The following KIF26B variants were observed in gnomAD, a reference collection of about 807,000 sequenced individuals.
KIF26B encodes the protein kinesin family member 26B.
KIF26B carries 63 observed loss-of-function variants against 151.2 expected under a neutral mutation model. The observed-to-expected ratio is 0.42, with a 90% CI of 0.34 to 0.51. The LOEUF is 0.51. KIF26B is among the 20% of genes least tolerant of loss of function. The probability of loss-of-function intolerance (pLI) is 0.07; values close to 1 mark genes in which losing one functional copy is unlikely to be tolerated. For synonymous variants in KIF26B, 1,357 were observed against 1,262.1 expected (o/e 1.08, Z -1.59); for missense variants, 2,813 against 2,913.6 (o/e 0.97, Z 0.79).
Position 245,687,769 on chromosome 1 carries a change from C to T in KIF26B, c.4786C>T (p.Pro1596Ser). The change falls in exon 12 of 15, where the codon CCC (proline) becomes TCC (serine). Residue 1596 changes from proline (P) to serine (S), a missense_variant. By Grantham distance (74) the Pro-to-Ser change is moderately conservative. Transcript: ENST00000407071. The surrounding 1 kb of genome is among the most constrained non-coding windows in gnomAD (Gnocchi z 4.9). ...HCVLARPKGT[P>S]PLPPVRKSSL... ...TGTTCTGGCTCGGCCCAAAGGGACT[C>T]CCCCTCTGCCCCCTGTCCGAAAGTC... 1.3e-6 allele frequency: 2 copies of T among 1,580,464 alleles called. 1 individual carries two copies. The highest frequency in any genetic ancestry group is 2.3e-5 in the South Asian group (2 of 85,892).
intron 2 of KIF26B, among the ~76,000 whole-genome samples, chr1:245,271,884 T>C (rs1301224876): frequency 2.0e-5 from 3 of 152,208 alleles, no homozygotes; most frequent in African/African-American, 7.2e-5. Context: ...AGTTTGGAAG[T>C]GTTCCCTTCT....
At chr1:245,534,555 G>T (rs1313415854) in intron 4 of KIF26B, among the ~76,000 whole-genome samples, 1 of 152,112 alleles carries the variant, frequency 6.6e-6, no homozygotes, top group Non-Finnish European at 1.5e-5. Context: ...ATTATATGAA[G>T]CTAATGGATG....
At chr1:245,547,413 C>T (rs975092816) in intron 5 of KIF26B, among the ~76,000 whole-genome samples, 2 of 151,888 alleles carry the variant, frequency 1.3e-5, no homozygotes, top group African/African-American at 4.8e-5. Context: ...GGTGAAAACC[C>T]TGCCTCTACT....
intron 2 of KIF26B, among the ~76,000 whole-genome samples, chr1:245,339,169 G>A (rs1316680057): frequency 2.0e-5 from 3 of 151,932 alleles, no homozygotes; most frequent in Non-Finnish European, 4.4e-5. Flanking sequence ...TAGTAGAGAC[G>A]GGGTTTCACC....
At chr1:245,379,839 C>T (rs902527247) in intron 3 of KIF26B, among the ~76,000 whole-genome samples, 3 of 151,880 alleles carry the variant, frequency 2.0e-5, no homozygotes, top group African/African-American at 7.3e-5. Flanking sequence ...GGCATGGTGG[C>T]ATGTGCCTGT....
In KIF26B at chr1:245,653,112, C is replaced by A. The variant is rs115237192; in HGVS notation, c.2258+6832C>A. 6.6e-3 allele frequency among the ~76,000 whole-genome samples: 1,006 copies of A among 152,306 alleles called. 12 individuals are homozygous for A. The highest frequency in any genetic ancestry group is 0.023 in the African/African-American group (939 of 41,550). ...GTAGACAGCCCCTTCCCCAACCCCA[C>A]GGCCTCAGTGGAGGAGAGAATGGTG... On this transcript the variant is annotated intron_variant, in intron 10 of 14. Coordinates refer to ENST00000407071, the MANE Select transcript of KIF26B (RefSeq NM_018012.4).
At chr1:245,462,314 G>A (rs945718438) in intron 4 of KIF26B, among the ~76,000 whole-genome samples, 1 of 152,114 alleles carries the variant, frequency 6.6e-6, no homozygotes, top group Non-Finnish European at 1.5e-5. Context: ...GGATGGCTTC[G>A]AGACATGTGG....
chr1:245,490,306 ATTTTTTTT>A (rs57644744), intron 4 of KIF26B, among the ~76,000 whole-genome samples: 3 of 83,862 alleles, frequency 3.6e-5, no homozygotes, highest in Non-Finnish European at 6.8e-5. Context: ...TCTGTAGAAC[ATTTTTTTT>A]TTTTTTTTTT....
intron 2 of KIF26B, among the ~76,000 whole-genome samples, chr1:245,178,413 CA>C (rs1440270129): frequency 3.2e-4 from 49 of 152,148 alleles, no homozygotes; most frequent in African/African-American, 1.1e-3. Flanking sequence ...GCTGTCTCTT[CA>C]GTCGTCAGTC....
intron 2 of KIF26B, among the ~76,000 whole-genome samples, chr1:245,347,195 T>G (rs1672472982): frequency 6.6e-6 from 1 of 152,232 alleles, no homozygotes; most frequent in African/African-American, 2.4e-5. Context: ...TTCTTCTCTC[T>G]TGATTGAATC....
chr1:245,275,197 T>C (rs1670917922), intron 2 of KIF26B, among the ~76,000 whole-genome samples: 1 of 152,158 alleles, frequency 6.6e-6, no homozygotes, highest in Admixed American at 6.5e-5. Context: ...TCTTGTAAAT[T>C]TGTTTAAATT....
intron 10 of KIF26B, among the ~76,000 whole-genome samples, chr1:245,675,217 C>T (rs532244898): frequency 2.6e-5 from 4 of 152,328 alleles, no homozygotes; most frequent in African/African-American, 9.6e-5. Flanking sequence ...GCACTGCCAA[C>T]CCAGGATGCT....
intron 10 of KIF26B, among the ~76,000 whole-genome samples, chr1:245,659,077 T>A (rs1408153344): frequency 6.6e-6 from 1 of 151,564 alleles, no homozygotes; most frequent in Non-Finnish European, 1.5e-5. Context: ...AAAAAAAAAA[T>A]TTAAAAGTAT....
Position 245,591,816 on chromosome 1 carries a change from G to A in KIF26B, c.1351-10761G>A, listed in dbSNP as rs149445182. The stretch of plus-strand genomic sequence containing the variant: ...AATCCTTTCTGACAGACCAGCCCCC[G>A]ACATGTGTCTGTCTCCATCCTTGCA... On this transcript the variant is annotated intron_variant, in intron 5 of 14. Transcript: ENST00000407071. Among the ~76,000 whole-genome samples, 65 of 152,228 alleles carry A rather than the reference G, an allele frequency of 4.3e-4. 1 individual carries two copies. The East Asian group carries it at 8.3e-3, about 20-fold the overall frequency.
intron 2 of KIF26B, 97 bp downstream of exon 2, chr1:245,156,780 G>A (rs771277250): frequency 1.6e-5 from 12 of 747,706 alleles, no homozygotes; most frequent in Non-Finnish European, 2.2e-5. Flanking sequence ...CTTGCGCGCC[G>A]GCTCCACGCG....
At chr1:245,370,171 G>A (rs540820119) in intron 3 of KIF26B, among the ~76,000 whole-genome samples, 3 of 152,004 alleles carry the variant, frequency 2.0e-5, no homozygotes, top group African/African-American at 2.4e-5. Context: ...TCATACACTC[G>A]CAATTTGTAA....
In KIF26B at chr1:245,540,930, G is replaced by A; in HGVS notation, c.1330G>A (p.Asp444Asn). The A allele has an allele frequency of 6.2e-7, 1 of 1,613,662 alleles. No homozygotes were observed. The highest frequency in any genetic ancestry group is 8.5e-7 in the Non-Finnish European group (1 of 1,179,686). ...GCTGAGGGCTGTCAACAAGGTGAAG[G>A]ACACCCCGGGGCTGGGCAAGGTAGG... ...CLLRAVNKVK[D>N]TPGLGKVKVM... The change falls in exon 5 of 15, where the codon GAC becomes AAC. Residue 444 changes from aspartate to asparagine, a missense_variant. By Grantham distance (23) the Asp-to-Asn change is conservative. Coordinates refer to ENST00000407071, the MANE Select transcript of KIF26B (RefSeq NM_018012.4). The surrounding 1 kb of genome is among the most constrained non-coding windows in gnomAD (Gnocchi z 4.6).
chr1:245,558,270 C>T (rs777367225), intron 5 of KIF26B, among the ~76,000 whole-genome samples: 2 of 152,204 alleles, frequency 1.3e-5, no homozygotes, highest in Admixed American at 6.5e-5. Flanking sequence ...GTCCAAATTC[C>T]CCAGCCCAAG....
intron 10 of KIF26B, among the ~76,000 whole-genome samples, chr1:245,673,112 C>T: frequency 7.1e-6 from 1 of 140,150 alleles, no homozygotes; most frequent in African/African-American, 2.7e-5. Context: ...GGCCCAGTCC[C>T]CGCTGCGCGC....
Sources: gnomAD v4.1 joint callset for allele counts (sites outside exome capture counted in the v4.1 genomes callset) on GRCh38, gnomAD v4.1.1 for gene constraint, Gnocchi (gnomAD v3.1) non-coding constraint, MANE v1.5 for transcripts, NCBI Gene and HGNC (gene_info 2026-07-23, HGNC 2026-07-21) for gene names.